The following ZMAT4 variants were observed in gnomAD, a reference collection of about 807,000 sequenced individuals.
ZMAT4 encodes zinc finger matrin-type protein 4.
A neutral mutation model predicts 28.7 loss-of-function variants in ZMAT4; 17 were observed. The observed-to-expected ratio is 0.59, with a 90% confidence interval of 0.41 to 0.89. The LOEUF (loss-of-function observed/expected upper bound fraction) is 0.89. ZMAT4 is among the 40% of genes least tolerant of loss of function. The pLI is 0.00. For missense variants in ZMAT4, 240 were observed against 283.8 expected, an observed-to-expected ratio of 0.85 and a Z score of 1.11; for synonymous variants, 117 against 109.2, an observed-to-expected ratio of 1.07 and a Z score of -0.44.
chr8:40,777,724 C>T (rs28506153), intron 2 of ZMAT4, among the ~76,000 whole-genome samples: 34,061 of 152,106 alleles, frequency 0.22, 3,972 homozygotes, highest in Non-Finnish European at 0.25. Flanking sequence ...GAAAAAACAA[C>T]GGACAAGTGT....
At chr8:40,538,560 CT>C (rs1459430654) in intron 6 of ZMAT4, among the ~76,000 whole-genome samples, 2 of 152,104 alleles carry the variant, frequency 1.3e-5, no homozygotes, top group African/African-American at 4.8e-5. Flanking sequence ...CAGAGTTTAA[CT>C]CTTTTTGTCG....
chr8:40,696,333 GTTTGCAAAATGCCATTTACAAAATAA>G (rs1169474788), intron 4 of ZMAT4, among the ~76,000 whole-genome samples: 1 of 152,174 alleles, frequency 6.6e-6, no homozygotes, highest in African/African-American at 2.4e-5. Flanking sequence ...GCTCTCTCCA[GTTTGCAAAATGCCATTTACAAAATAA>G]TTACACCTAC....
chr8:40,814,166 A>G (rs1815440006), intron 2 of ZMAT4, among the ~76,000 whole-genome samples: 1 of 152,224 alleles, frequency 6.6e-6, no homozygotes, highest in African/African-American at 2.4e-5. Context: ...CTTAGTATAG[A>G]AGACTGAGGA....
At chr8:40,764,219 C>T (rs528982376) in intron 3 of ZMAT4, among the ~76,000 whole-genome samples, 2 of 152,154 alleles carry the variant, frequency 1.3e-5, no homozygotes, top group African/African-American at 4.8e-5. Context: ...TTATTTCTCA[C>T]TTAATTTTAC....
intron 3 of ZMAT4, among the ~76,000 whole-genome samples, chr8:40,711,010 T>A (rs959976922): frequency 1.3e-5 from 2 of 152,146 alleles, no homozygotes; most frequent in Non-Finnish European, 2.9e-5. Context: ...GGTCTCGATC[T>A]CTTGACCTCG....
At chr8:40,618,015 C>T (rs773727572) in intron 5 of ZMAT4, among the ~76,000 whole-genome samples, 6 of 152,208 alleles carry the variant, frequency 3.9e-5, no homozygotes, top group Non-Finnish European at 7.3e-5. Context: ...AATTCTACCA[C>T]ACTCTCTACC....
intron 2 of ZMAT4, among the ~76,000 whole-genome samples, chr8:40,770,363 G>C (rs10097846): frequency 6.6e-6 from 1 of 151,896 alleles, no homozygotes; most frequent in Non-Finnish European, 1.5e-5. Context: ...TCCAAATTAC[G>C]TTGGTTGACA....
intron 3 of ZMAT4, among the ~76,000 whole-genome samples, chr8:40,723,712 C>G (rs1367201609): frequency 1.3e-5 from 2 of 152,102 alleles, no homozygotes; most frequent in Non-Finnish European, 2.9e-5. Context: ...GTTTCATACT[C>G]TAGGTAACAT....
chr8:40,644,392 A>T (rs1451278953), intron 5 of ZMAT4, among the ~76,000 whole-genome samples: 1 of 152,074 alleles, frequency 6.6e-6, no homozygotes, highest in Non-Finnish European at 1.5e-5. Context: ...GGAAGTACAG[A>T]AAAAACCACA....
chr8:40,866,088 A>G (rs976632105), intron 1 of ZMAT4, among the ~76,000 whole-genome samples: 2 of 152,206 alleles, frequency 1.3e-5, no homozygotes, highest in African/African-American at 4.8e-5. Flanking sequence ...CATTCCGAAA[A>G]TACACTATCA....
intron 2 of ZMAT4, among the ~76,000 whole-genome samples, chr8:40,768,741 T>A (rs113417710): frequency 0.013 from 1,980 of 152,324 alleles, 43 homozygotes; most frequent in African/African-American, 0.046. Flanking sequence ...AATTGCAATC[T>A]GCATAATATT....
intron 5 of ZMAT4, among the ~76,000 whole-genome samples, chr8:40,601,381 G>A (rs1446637611): frequency 1.5e-5 from 2 of 135,662 alleles, no homozygotes; most frequent in Non-Finnish European, 3.1e-5. Context: ...ATAGCCAAAA[G>A]AAGGAAGGAA....
chr8:40,616,181 A>T lies in ZMAT4; in HGVS notation c.578-34920T>A, dbSNP rs575483373. 2.6e-5 allele frequency among the ~76,000 whole-genome samples: 4 copies of T among 152,346 alleles called. No homozygotes were observed. In the South Asian group the frequency reaches 6.2e-4, roughly 24 times the overall value. ...TCAGAGAAATGCAAATCAAAACCAC[A>T]ATGAGATACCATCTCACACCAGTTA... On this transcript the variant is annotated intron_variant, in intron 5 of 6. Transcript: ENST00000297737.
rs142686583 is a variant in ZMAT4 at position 40,819,876 on chromosome 8, T to C, written c.102+5699A>G. On this transcript the variant is annotated intron_variant, in intron 2 of 6. Transcript: ENST00000297737. ...TATTCTAAATATATATTTTAATACA[T>C]AGAGAACATATAGCAAATATATATG... Among the ~76,000 whole-genome samples, 775 of 152,076 alleles carry C rather than the reference T, an allele frequency of 5.1e-3. 9 individuals carry two copies. Among genetic ancestry groups the C allele is most frequent in the African/African-American group, 0.018 (733 of 41,480 alleles).
At chr8:40,592,861 G>A (rs1804943085) in intron 5 of ZMAT4, among the ~76,000 whole-genome samples, 1 of 152,198 alleles carries the variant, frequency 6.6e-6, no homozygotes, top group African/African-American at 2.4e-5. Flanking sequence ...TTTGGTCTTG[G>A]ACGTGGTCAC....
At chr8:40,689,647 TTCTTA>T (rs1809571260) in intron 4 of ZMAT4, among the ~76,000 whole-genome samples, 1 of 152,072 alleles carries the variant, frequency 6.6e-6, no homozygotes, top group Non-Finnish European at 1.5e-5. Context: ...ACTTTTAGGG[TTCTTA>T]TCTTTAATAG....
chr8:40,837,467 T>G (rs1816537467), intron 1 of ZMAT4, among the ~76,000 whole-genome samples: 1 of 152,194 alleles, frequency 6.6e-6, no homozygotes, highest in Non-Finnish European at 1.5e-5. Context: ...AGCATGACCT[T>G]AACTAACTCT....
intron 1 of ZMAT4, among the ~76,000 whole-genome samples, chr8:40,866,978 G>T (rs1817695389): frequency 6.6e-6 from 1 of 152,196 alleles, no homozygotes; most frequent in Non-Finnish European, 1.5e-5. Context: ...GACTGGTATA[G>T]ATGCTCTAAC....
chr8:40,562,368 C>G (rs12171660), intron 6 of ZMAT4, among the ~76,000 whole-genome samples: 12,297 of 152,208 alleles, frequency 0.081, 537 homozygotes, highest in African/African-American at 0.11. Flanking sequence ...TTCTAGGGAT[C>G]AGCAGGGGCC....
Sources: gnomAD v4.1 joint callset for allele counts (sites outside exome capture counted in the v4.1 genomes callset) on GRCh38, gnomAD v4.1.1 for gene constraint, MANE v1.5 for transcripts, NCBI Gene and HGNC (gene_info 2026-07-23, HGNC 2026-07-21) for gene names.